JARID2: variants seen among roughly 807,000 people sequenced by gnomAD.
JARID2 encodes protein Jumonji.
JARID2 carries 21 observed loss-of-function variants against 125.6 expected under a neutral mutation model. The ratio of observed to expected loss-of-function variants is 0.17; its 90% CI spans 0.12 to 0.24. The LOEUF (loss-of-function observed/expected upper bound fraction) is 0.24. JARID2 is among the 10% of genes least tolerant of loss of function. The pLI, the probability that JARID2 is intolerant of heterozygous loss-of-function variation, is 1.00. For synonymous variants in JARID2, 736 were observed against 661.6 expected, an observed-to-expected ratio of 1.11 and a Z score of -1.73; for missense variants, 1,303 against 1,639.6, an observed-to-expected ratio of 0.79 and a Z score of 3.55.
intron 4 of JARID2, among the ~76,000 whole-genome samples, chr6:15,462,780 G>A (rs1768514423): frequency 1.3e-5 from 2 of 152,190 alleles, no homozygotes; most frequent in Non-Finnish European, 2.9e-5. Context: ...AGAACTGATC[G>A]AGGGAGGGAA....
chr6:15,283,425 C>T (rs1392304495), intron 1 of JARID2, among the ~76,000 whole-genome samples: 1 of 149,460 alleles, frequency 6.7e-6, no homozygotes, highest in Non-Finnish European at 1.5e-5. Flanking sequence ...ACTGCAAGCT[C>T]CACCTCCTGG....
At chr6:15,354,587 G>A (rs1021501732) in intron 1 of JARID2, among the ~76,000 whole-genome samples, 8 of 152,122 alleles carry the variant, frequency 5.3e-5, no homozygotes, top group Non-Finnish European at 7.4e-5. Context: ...ATACACAGCA[G>A]ACATTCAAGC....
intron 1 of JARID2, among the ~76,000 whole-genome samples, chr6:15,253,931 TC>T (rs1039859036): frequency 2.2e-4 from 33 of 151,808 alleles, no homozygotes; most frequent in African/African-American, 7.5e-4. Context: ...CTGAATTTGC[TC>T]CCCCCTTTTG....
chr6:15,517,113 G>T, intron 16 of JARID2, 48 bp from the exon 17 acceptor site: 1 of 1,401,322 alleles, frequency 7.1e-7, no homozygotes, highest in South Asian at 1.2e-5. Flanking sequence ...CTCCCAGGGC[G>T]CTGTGGAGCT....
chr6:15,361,892 C>CTTTTT (rs58352410), intron 1 of JARID2, among the ~76,000 whole-genome samples: 1 of 121,168 alleles, frequency 8.3e-6, no homozygotes, highest in Non-Finnish European at 1.7e-5. Context: ...TGGGAGCCCC[C>CTTTTT]TTTTTTTTTT....
At chr6:15,302,293 G>A (rs911691548) in intron 1 of JARID2, among the ~76,000 whole-genome samples, 1 of 152,136 alleles carries the variant, frequency 6.6e-6, no homozygotes, top group African/African-American at 2.4e-5. Context: ...GCGTGCGCCT[G>A]TAATCCCAGC....
chr6:15,377,147 GTAT>G (rs1176574469), intron 2 of JARID2, among the ~76,000 whole-genome samples: 1 of 152,130 alleles, frequency 6.6e-6, no homozygotes, highest in African/African-American at 2.4e-5. Context: ...GAAGCAGGGT[GTAT>G]TAGTTTGTTT....
intron 3 of JARID2, among the ~76,000 whole-genome samples, chr6:15,414,544 C>CAAAACT (rs78626319): frequency 0.57 from 86,951 of 151,224 alleles, 25,179 homozygotes; most frequent in African/African-American, 0.63. Flanking sequence ...AACTCAAAAC[C>CAAAACT]GGTATATTTT....
At chr6:15,280,055 C>T (rs56366282) in intron 1 of JARID2, among the ~76,000 whole-genome samples, 1,785 of 152,238 alleles carry the variant, frequency 0.012, 23 homozygotes, top group Non-Finnish European at 0.018. Flanking sequence ...AAAATTAACA[C>T]CTGGTCGTAT....
intron 1 of JARID2, chr6:15,248,264 C>G (rs1242490233): frequency 2.4e-5 from 3 of 124,736 alleles, no homozygotes; most frequent in South Asian, 3.0e-4. Context: ...CGGGGCTGGG[C>G]GGGCGGGCGC....
Position 15,295,978 on chromosome 6 carries a change from A to C in JARID2, c.45+49394A>C, listed in dbSNP as rs186900538. On this transcript the variant is annotated intron_variant, in intron 1 of 17. Transcript: ENST00000341776. ...GCCTGGCAGGGTTTTATACTTAAAA[A>C]CCATTTTATACCTCACGCAGAGAAA... 1.3e-5 allele frequency among the ~76,000 whole-genome samples: 2 copies of C among 152,276 alleles called. 1 individual carries two copies. The highest frequency in any genetic ancestry group is 2.9e-5 in the Non-Finnish European group (2 of 68,016).
At chr6:15,312,596 G>T (rs1762052429) in intron 1 of JARID2, among the ~76,000 whole-genome samples, 1 of 152,136 alleles carries the variant, frequency 6.6e-6, no homozygotes, top group African/African-American at 2.4e-5. Context: ...CCATATAGAT[G>T]GAAGCACTTT....
At chr6:15,416,727 A>C (rs1348209596) in intron 3 of JARID2, among the ~76,000 whole-genome samples, 2 of 149,954 alleles carry the variant, frequency 1.3e-5, no homozygotes, top group African/African-American at 4.9e-5. Flanking sequence ...GAGAGGGGGG[A>C]GAGGGAGAGG....
intron 1 of JARID2, among the ~76,000 whole-genome samples, chr6:15,336,829 C>T (rs936385342): frequency 1.3e-4 from 19 of 151,908 alleles, no homozygotes; most frequent in Admixed American, 9.2e-4. Context: ...ATTACCTGTG[C>T]GAGCCACTGT....
intron 1 of JARID2, among the ~76,000 whole-genome samples, chr6:15,356,922 G>C (rs1763618229): frequency 6.9e-6 from 1 of 145,746 alleles, no homozygotes; most frequent in South Asian, 2.3e-4. Flanking sequence ...GCTGAGTCAG[G>C]AGTATCACTT....
chr6:15,410,424 C>T (rs550271566), intron 3 of JARID2, 59 bp downstream of exon 3: 9 of 1,520,970 alleles, frequency 5.9e-6, no homozygotes, highest in Non-Finnish European at 8.2e-6. Context: ...AACTCAGGTG[C>T]CAGTTTTCAC....
chr6:15,332,361 A>G (rs1762737731), intron 1 of JARID2, among the ~76,000 whole-genome samples: 1 of 152,206 alleles, frequency 6.6e-6, no homozygotes, highest in South Asian at 2.1e-4. Context: ...TATATCATGT[A>G]ATACTGTTAC....
chr6:15,412,052 G>A (rs1459472986), intron 3 of JARID2, among the ~76,000 whole-genome samples: 2 of 152,216 alleles, frequency 1.3e-5, no homozygotes, highest in Non-Finnish European at 2.9e-5. Context: ...GTAGAAAAGA[G>A]GAACTCTTTT....
At chr6:15,473,589 G>C (rs1434431267) in intron 5 of JARID2, among the ~76,000 whole-genome samples, 2 of 149,344 alleles carry the variant, frequency 1.3e-5, no homozygotes, top group Non-Finnish European at 3.0e-5. Flanking sequence ...GAGGGGGGTG[G>C]TGTGATCGTT....
Sources: allele counts gnomAD v4.1 joint callset (sites outside exome capture counted in the v4.1 genomes callset), GRCh38; gene constraint gnomAD v4.1.1; transcripts MANE v1.5; gene names NCBI Gene and HGNC (gene_info 2026-07-23, HGNC 2026-07-21).